The following DLG2 variants were observed in gnomAD, a reference collection of about 807,000 sequenced individuals.
DLG2 encodes disks large homolog 2.
A neutral mutation model predicts 132.5 loss-of-function variants in DLG2; 45 were observed. The ratio of observed to expected loss-of-function variants is 0.34; its 90% CI spans 0.27 to 0.44. DLG2 has a LOEUF of 0.44. Ranked by LOEUF, DLG2 falls within the 20% of genes least tolerant of loss-of-function variation. The pLI is 1.00. For synonymous variants in DLG2, 424 were observed against 419.6 expected (o/e 1.01, Z -0.13); for missense variants, 1,045 against 1,196.9 (o/e 0.87, Z 1.87).
chr11:83,640,099 A>G (rs1005614353), intron 18 of DLG2, among the ~76,000 whole-genome samples: 2 of 152,210 alleles, frequency 1.3e-5, no homozygotes, highest in Non-Finnish European at 2.9e-5. Context: ...TGCAGCTTTA[A>G]CAACAACTGG....
intron 3 of DLG2, among the ~76,000 whole-genome samples, chr11:85,478,204 T>G (rs1277845298): frequency 1.3e-5 from 2 of 152,112 alleles, no homozygotes; most frequent in Non-Finnish European, 2.9e-5. Flanking sequence ...ATTTATTTTG[T>G]AGAGAGAGGG....
intron 12 of DLG2, among the ~76,000 whole-genome samples, chr11:83,970,795 T>A (rs949362389): frequency 1.3e-5 from 2 of 152,172 alleles, no homozygotes; most frequent in African/African-American, 4.8e-5. Context: ...GTAAGCAGGA[T>A]TTCTTGGTGA....
At chr11:83,997,999 G>A (rs555677266) in intron 11 of DLG2, among the ~76,000 whole-genome samples, 2 of 152,000 alleles carry the variant, frequency 1.3e-5, no homozygotes, top group South Asian at 2.1e-4. Flanking sequence ...GCTGGGCATG[G>A]TGGTGTGCAC....
intron 11 of DLG2, among the ~76,000 whole-genome samples, chr11:84,043,677 T>C (rs550955589): frequency 1.3e-5 from 2 of 151,976 alleles, no homozygotes; most frequent in South Asian, 4.1e-4. Context: ...GGTATAGCTT[T>C]AAAGTTTTTC....
intron 4 of DLG2, among the ~76,000 whole-genome samples, chr11:85,256,484 G>A (rs1708624713): frequency 6.6e-6 from 1 of 152,166 alleles, no homozygotes; most frequent in African/African-American, 2.4e-5. Context: ...AGAGGGCACT[G>A]AGCTGGTTAA....
At chr11:85,572,954 T>C (rs904489573) in intron 3 of DLG2, among the ~76,000 whole-genome samples, 5 of 152,212 alleles carry the variant, frequency 3.3e-5, no homozygotes, top group African/African-American at 9.7e-5. Context: ...CCCTCATGAA[T>C]GGCCTGGGCC....
intron 7 of DLG2, among the ~76,000 whole-genome samples, chr11:84,396,474 T>C (rs1286724271): frequency 6.6e-6 from 1 of 152,260 alleles, no homozygotes; most frequent in Non-Finnish European, 1.5e-5. Context: ...AATTTTCTTT[T>C]GTTTCGTGCA....
chr11:85,579,447 T>C (rs2078371015), intron 3 of DLG2, among the ~76,000 whole-genome samples: 1 of 151,844 alleles, frequency 6.6e-6, no homozygotes, highest in African/African-American at 2.4e-5. Flanking sequence ...GCTTCTACAT[T>C]TAGGTTAGAA....
chr11:83,621,264 AT>A (rs553301496), intron 19 of DLG2, among the ~76,000 whole-genome samples: 14 of 150,500 alleles, frequency 9.3e-5, no homozygotes, highest in African/African-American at 1.7e-4. Context: ...CAACGCCATG[AT>A]TTTTTTTTTC....
chr11:84,300,558 C>T (rs2098140310), intron 7 of DLG2, among the ~76,000 whole-genome samples: 1 of 152,120 alleles, frequency 6.6e-6, no homozygotes, highest in Admixed American at 6.5e-5. Context: ...TTCCTTAATT[C>T]CTTCCTACTT....
chr11:84,676,682 C>T (rs1565633454), intron 6 of DLG2, among the ~76,000 whole-genome samples: 1 of 152,014 alleles, frequency 6.6e-6, no homozygotes, highest in Non-Finnish European at 1.5e-5. Flanking sequence ...CTACCTGTGG[C>T]AAATACAGGC....
intron 4 of DLG2, among the ~76,000 whole-genome samples, chr11:85,179,599 G>A (rs1048555953): frequency 6.6e-5 from 10 of 151,640 alleles, no homozygotes; most frequent in African/African-American, 2.2e-4. Context: ...TTTCCAACCA[G>A]CAGAGGAAAA....
chr11:84,991,692 C>T (rs962862130), intron 6 of DLG2, among the ~76,000 whole-genome samples: 1 of 152,166 alleles, frequency 6.6e-6, no homozygotes. Context: ...TGTCAGTATC[C>T]TGGTGCTGAT....
At chr11:83,470,918 G>A (rs549491235) in intron 24 of DLG2, among the ~76,000 whole-genome samples, 2 of 152,044 alleles carry the variant, frequency 1.3e-5, no homozygotes, top group Non-Finnish European at 2.9e-5. Context: ...GTCTACATAC[G>A]TAGAAGGTCT....
At chr11:84,088,020 C>T (rs566738131) in intron 10 of DLG2, among the ~76,000 whole-genome samples, 19 of 152,260 alleles carry the variant, frequency 1.2e-4, no homozygotes, top group African/African-American at 4.1e-4. Flanking sequence ...ATTACACATT[C>T]CGGATACAAG....
chr11:83,626,558 T>G (rs2062565120), intron 19 of DLG2, among the ~76,000 whole-genome samples: 2 of 152,214 alleles, frequency 1.3e-5, no homozygotes, highest in South Asian at 4.1e-4. Context: ...TACATAGCCT[T>G]TGAGGCAAAA....
At chr11:83,682,337 T>G in intron 18 of DLG2, 1 of 985,328 alleles carries the variant, frequency 1.0e-6, no homozygotes, top group Non-Finnish European at 1.2e-6. Flanking sequence ...CCCTCCTAGA[T>G]TCTCATATTT....
chr11:84,918,060 T>G (rs1189232765), intron 6 of DLG2, among the ~76,000 whole-genome samples: 1 of 152,176 alleles, frequency 6.6e-6, no homozygotes, highest in Non-Finnish European at 1.5e-5. Flanking sequence ...CATCATAGGA[T>G]CTAGCAAAGA....
intron 7 of DLG2, among the ~76,000 whole-genome samples, chr11:84,354,737 C>G (rs1271100684): frequency 1.3e-5 from 2 of 152,068 alleles, no homozygotes; most frequent in African/African-American, 2.4e-5. Flanking sequence ...AGTTGTGAAG[C>G]TGGTTATTGT....
Sources: allele counts gnomAD v4.1 joint callset (sites outside exome capture counted in the v4.1 genomes callset), GRCh38; gene constraint gnomAD v4.1.1; transcripts MANE v1.5; gene names NCBI Gene and HGNC (gene_info 2026-07-23, HGNC 2026-07-21).